The following CDT1 variants were observed in gnomAD, a reference collection of about 807,000 sequenced individuals.
CDT1 encodes the protein DNA replication factor Cdt1.
CDT1 carries 66 observed loss-of-function variants against 49.3 expected under a neutral mutation model. The ratio of observed to expected loss-of-function variants is 1.34; its 90% CI spans 1.10 to 1.64. CDT1 has a LOEUF of 1.64. Ranked by LOEUF, CDT1 falls within the 40% of genes most tolerant of loss-of-function variation. The pLI is 0.00. For missense variants in CDT1, 958 were observed against 807.7 expected (o/e 1.19, Z -2.26); for synonymous variants, 424 against 347.4 (o/e 1.22, Z -2.45).
intron 1 of CDT1, 76 bp from the exon 2 acceptor site, chr16:88,804,469 G>C: frequency 1.3e-6 from 2 of 1,559,572 alleles, no homozygotes; most frequent in East Asian, 2.2e-5. Context: ...AGCGGCTTCT[G>C]ATCCTTCGGG....
rs761818537 is a variant in CDT1, at chr16:88,808,307, G to A, written c.*29G>A. The A allele has an allele frequency of 1.3e-6, 2 of 1,555,524 alleles. No individual in the cohort carries two copies. The highest frequency in any genetic ancestry group is 1.2e-5 in the South Asian group (1 of 85,516). Reference sequence around the variant, plus strand: ...TGGGGGCCACTGTGGACAGACGTGGGCTTCAGAAGCTCGCTGGCCTGGGCC... The same window carrying A: ...TGGGGGCCACTGTGGACAGACGTGGACTTCAGAAGCTCGCTGGCCTGGGCC... On this transcript the variant is annotated 3_prime_UTR_variant, in exon 10 of 10. Coordinates refer to ENST00000301019, the MANE Select transcript of CDT1 (RefSeq NM_030928.4).
intron 3 of CDT1, 115 bp from the exon 4 acceptor site, chr16:88,805,325 C>G (rs1389870835): frequency 7.8e-7 from 1 of 1,284,518 alleles, no homozygotes; most frequent in East Asian, 2.4e-5. Context: ...CCGCGAAAGC[C>G]ATCGTGTGTG....
Position 88,808,362 on chromosome 16 carries a change from C to T in CDT1, c.*84C>T. 4 of 1,459,120 alleles carry T rather than the reference C, an allele frequency of 2.7e-6. No individual in the cohort carries two copies. The highest frequency in any genetic ancestry group is 5.0e-5 in the East Asian group (2 of 40,252). 90.4% of individuals were successfully genotyped at this position (1,459,120 alleles called of 1,614,324 possible). A position where few individuals can be genotyped will look rare whatever the true frequency, so the allele number is the denominator to read the frequency against. On this transcript the variant is annotated 3_prime_UTR_variant, in exon 10 of 10. Coordinates refer to ENST00000301019, the MANE Select transcript of CDT1 (RefSeq NM_030928.4). ...AGCATTTTCTTTTATGAACATGATA[C>T]ACTTTGGCCTTCCTTTCCCCAGCGC...
intron 2 of CDT1, 28 bp downstream of exon 2, chr16:88,804,695 G>A (rs781650640): frequency 6.2e-7 from 1 of 1,612,232 alleles, no homozygotes; most frequent in Non-Finnish European, 8.5e-7. Context: ...GGGCAGATGC[G>A]GGAGGGCTGA....
chr16:88,805,050 G>T (rs1908798564), intron 3 of CDT1, 152 bp downstream of exon 3: 1 of 1,100,504 alleles, frequency 9.1e-7, no homozygotes, highest in South Asian at 1.6e-5. Context: ...CTGAGAAAAA[G>T]GTCCCGGGCA....
At position 88,803,887 on chromosome 16, in the gene CDT1, G is replaced by C; in HGVS notation, c.56G>C (p.Arg19Pro). The C allele has an allele frequency of 3.4e-6, 5 of 1,458,444 alleles. No individual in the cohort carries two copies. Among genetic ancestry groups the C allele is most frequent in the Non-Finnish European group, 4.5e-6 (5 of 1,101,656 alleles). 90.3% of individuals were successfully genotyped at this position (1,458,444 alleles called of 1,614,324 possible). A position where few individuals can be genotyped will look rare whatever the true frequency, so the allele number is the denominator to read the frequency against. The change falls in exon 1 of 10, where the codon CGC becomes CCC. Residue 19 changes from arginine to proline, a missense_variant. By Grantham distance (103) the Arg-to-Pro change is moderately radical. Transcript: ENST00000301019. ...FFARRRPGPP[R>P]IAPPKLACRT... ...GCGCGCCGCCGCCCCGGGCCCCCCC[G>C]CATCGCGCCGCCCAAGCTGGCCTGC...
intron 9 of CDT1, 142 bp from the exon 10 acceptor site, chr16:88,807,973 C>G (rs1237566046): frequency 2.2e-6 from 2 of 899,216 alleles, no homozygotes; most frequent in Non-Finnish European, 3.6e-6. Context: ...TGATCAGAAC[C>G]ACCTCTGCCC....
At position 88,805,567 on chromosome 16, in the gene CDT1, A is replaced by G. The variant is rs754960043; in HGVS notation, c.616A>G (p.Met206Val). Reference sequence around the variant, plus strand: ...CCGCAGCATGGACACCATCGTGGGCATGCTCCACAACCGCTCCGAGACGCC... The same window carrying G: ...CCGCAGCATGGACACCATCGTGGGCGTGCTCCACAACCGCTCCGAGACGCC... ...MFRSMDTIVG[M>V]LHNRSETPTF... The change falls in exon 4 of 10, where the codon ATG becomes GTG. Residue 206 changes from methionine to valine, a missense_variant. Transcript: ENST00000301019. 7.4e-6 allele frequency: 12 copies of G among 1,612,766 alleles called. No individual in the cohort carries two copies. Among genetic ancestry groups the G allele is most frequent in the South Asian group, 3.3e-5 (3 of 91,092 alleles).
chr16:88,809,092 G>A lies in CDT1; in HGVS notation c.*814G>A. On this transcript the variant is annotated 3_prime_UTR_variant, in exon 10 of 10. Coordinates refer to ENST00000301019, the MANE Select transcript of CDT1 (RefSeq NM_030928.4). ...GGCCTTCATGACAGGGCCAGAGCCA[G>A]CCAGCTTTGAAGACGCGGCCCTGCC... 4.1e-6 allele frequency: 1 copy of A among 242,756 alleles called. No homozygotes were observed. Among genetic ancestry groups the A allele is most frequent in the East Asian group, 1.1e-4 (1 of 9,270 alleles). The allele number at this position is 242,756 out of a possible 1,614,324, so 15.0% of individuals were successfully genotyped here. A position where few individuals can be genotyped will look rare whatever the true frequency, so the allele number is the denominator to read the frequency against.
At position 88,808,714 on chromosome 16, in the gene CDT1, G is replaced by GGGGT. The variant is rs905149349; in HGVS notation, c.*442_*445dup. 2 of 203,532 alleles carry GGGGT rather than the reference G, an allele frequency of 9.8e-6. No homozygotes were observed. Among genetic ancestry groups the GGGGT allele is most frequent in the African/African-American group, 4.7e-5 (2 of 42,752 alleles). 12.6% of individuals were successfully genotyped at this position (203,532 alleles called of 1,614,324 possible). On this transcript the variant is annotated 3_prime_UTR_variant, in exon 10 of 10. Transcript: ENST00000301019. ...GTGACTTTTGTCATTAAGAAAGACTGGGGTGGGTGTGGTGGCTCACGCCTG... is the reference window on the plus strand; with the variant it reads ...GTGACTTTTGTCATTAAGAAAGACTGGGGTGGGTGGGTGTGGTGGCTCACGCCTG...
Position 88,804,661 on chromosome 16 carries a change from G to A in CDT1, c.345G>A (p.Gln115=). 6.2e-7 allele frequency: 1 copy of A among 1,612,628 alleles called. No homozygotes were observed. The highest frequency in any genetic ancestry group is 8.5e-7 in the Non-Finnish European group (1 of 1,179,824). The change falls in exon 2 of 10, where the codon CAG becomes CAA. Residue 115 remains glutamine (Q), a synonymous_variant. Coordinates refer to ENST00000301019, the MANE Select transcript of CDT1 (RefSeq NM_030928.4). The part of the protein sequence containing the change: ...AGQPPHLTSA[Q]DQDTISELAS... ...AGCCGCCCCACCTGACATCCGCGCA[G>A]GACCAGGTGAGGGGCGGGGCCTGGG...
chr16:88,804,611 A>G lies in CDT1; in HGVS notation c.295A>G (p.Lys99Glu), dbSNP rs1908776042. 1.9e-6 allele frequency: 3 copies of G among 1,612,870 alleles called. No individual in the cohort carries two copies. The highest frequency in any genetic ancestry group is 2.5e-6 in the Non-Finnish European group (3 of 1,179,838). ...CTGCCCTTCTCCGGGCCAGAAGATA[A>G]AGAAATCCACCCCGGCAGCAGGTCA... ...PACPSPGQKI[K>E]KSTPAAGQPP... Residue 99 changes from lysine to glutamate, a missense_variant, in exon 2 of 10, where the codon AAG becomes GAG. Coordinates refer to ENST00000301019, the MANE Select transcript of CDT1 (RefSeq NM_030928.4).
chr16:88,805,038 C>T, intron 3 of CDT1, 140 bp downstream of exon 3: 2 of 1,218,760 alleles, frequency 1.6e-6, no homozygotes, highest in South Asian at 3.1e-5. Flanking sequence ...GGACCCAGAC[C>T]CCTGAGAAAA....
Position 88,805,834 on chromosome 16 carries a change from A to G in CDT1, c.797A>G (p.Asp266Gly). 6.2e-7 allele frequency: 1 copy of G among 1,613,086 alleles called. No homozygotes were observed. The highest frequency in any genetic ancestry group is 8.5e-7 in the Non-Finnish European group (1 of 1,179,986). ...TTCAAGGATGGCACCAGGAGGTCAG[A>G]TTACCAGCTCACCATCGAGCCACTG... ...PTFKDGTRRS[D>G]YQLTIEPLLE... The change falls in exon 5 of 10, where the codon GAT becomes GGT. Residue 266 changes from aspartate (D) to glycine (G), a missense_variant. Physicochemically the swap from Asp to Gly is moderately conservative, Grantham distance 94 (BLOSUM62 -1). Transcript: ENST00000301019.
intron 6 of CDT1, 157 bp from the exon 7 acceptor site, chr16:88,806,329 G>A (rs1908854730): frequency 2.8e-6 from 3 of 1,053,668 alleles, no homozygotes; most frequent in East Asian, 2.6e-5. Context: ...GCGGACCATG[G>A]GAGGCCTTGT....
Position 88,808,453 on chromosome 16 carries a change from G to C in CDT1, c.*175G>C, listed in dbSNP as rs911449266. ...GCCCGAGGGTCTCTGGCTGCGGGCGGTGGGCCCCTTCATGGGGCTCACCTG... is the reference window on the plus strand; with the variant it reads ...GCCCGAGGGTCTCTGGCTGCGGGCGCTGGGCCCCTTCATGGGGCTCACCTG... On this transcript the variant is annotated 3_prime_UTR_variant, in exon 10 of 10. Coordinates refer to ENST00000301019, the MANE Select transcript of CDT1 (RefSeq NM_030928.4). The C allele has an allele frequency of 2.8e-6, 2 of 707,796 alleles. No individual in the cohort carries two copies. Among genetic ancestry groups the C allele is most frequent in the Non-Finnish European group, 4.6e-6 (2 of 435,680 alleles). 43.8% of individuals were successfully genotyped at this position (707,796 alleles called of 1,614,324 possible).
chr16:88,808,065 G>C, intron 9 of CDT1, 50 bp from the exon 10 acceptor site: 1 of 1,596,080 alleles, frequency 6.3e-7, no homozygotes, highest in Non-Finnish European at 8.5e-7. Context: ...TGCTGCCCGT[G>C]CAGGGCTGGG....
chr16:88,804,117 G>A (rs922478563), intron 1 of CDT1, 58 bp downstream of exon 1: 10 of 1,159,858 alleles, frequency 8.6e-6, no homozygotes, highest in African/African-American at 1.6e-5. Flanking sequence ...CTGAGGCCCG[G>A]GGGGCAGGGC....
At position 88,807,975 on chromosome 16, in the gene CDT1, C is replaced by T. The variant is rs1171979918; in HGVS notation, c.1478-140C>T. The T allele has an allele frequency of 4.4e-6, 4 of 914,828 alleles. No homozygotes were observed. In the Admixed American group the frequency reaches 8.0e-5, roughly 18 times the overall value. 56.7% of individuals were successfully genotyped at this position (914,828 alleles called of 1,614,324 possible). A position where few individuals can be genotyped will look rare whatever the true frequency, so the allele number is the denominator to read the frequency against. ...AGACCTGGGCCTCTGATCAGAACCA[C>T]CTCTGCCCTAAGTCCTGGTGATGGG... On this transcript the variant is annotated intron_variant, in intron 9 of 9. Transcript: ENST00000301019.
Sources: gnomAD v4.1 joint callset for allele counts on GRCh38, gnomAD v4.1.1 for gene constraint, MANE v1.5 for transcripts, NCBI Gene and HGNC (gene_info 2026-07-23, HGNC 2026-07-21) for gene names.